The following AHCYL2 variants were observed in gnomAD, a reference collection of about 807,000 sequenced individuals.
The protein encoded by AHCYL2 is S-adenosylhomocysteine hydrolase-like protein 2.
A neutral mutation model predicts 81.4 loss-of-function variants in AHCYL2; 28 were observed. The observed-to-expected ratio is 0.34, with a 90% CI of 0.25 to 0.47. The LOEUF (loss-of-function observed/expected upper bound fraction) is 0.47. Ranked by LOEUF, AHCYL2 falls within the 20% of genes least tolerant of loss-of-function variation. AHCYL2 has a pLI of 1.00. For missense variants in AHCYL2, 551 were observed against 785.1 expected (o/e 0.70, Z 3.56); for synonymous variants, 272 against 290.2 (o/e 0.94, Z 0.64).
At chr7:129,349,509 G>A (rs373899895) in intron 1 of AHCYL2, among the ~76,000 whole-genome samples, 216 of 150,134 alleles carry the variant, frequency 1.4e-3, no homozygotes, top group Non-Finnish European at 2.5e-3. Flanking sequence ...TTAGCCAGGC[G>A]TGGTGGCACA....
intron 1 of AHCYL2, among the ~76,000 whole-genome samples, chr7:129,309,511 G>T (rs1255546594): frequency 1.3e-5 from 2 of 152,142 alleles, no homozygotes; most frequent in Non-Finnish European, 2.9e-5. Flanking sequence ...CTGCACTCCA[G>T]CCTGGGCAAC....
At chr7:129,265,979 T>C (rs909687830) in intron 1 of AHCYL2, among the ~76,000 whole-genome samples, 15 of 152,206 alleles carry the variant, frequency 9.9e-5, no homozygotes, top group African/African-American at 3.4e-4. Flanking sequence ...AAGTTTTGGA[T>C]GACTTCAAAG....
At chr7:129,404,185 A>C (rs1207625611) in intron 7 of AHCYL2, among the ~76,000 whole-genome samples, 1 of 152,196 alleles carries the variant, frequency 6.6e-6, no homozygotes, top group Admixed American at 6.5e-5. Flanking sequence ...CTAGGAATCT[A>C]GCAGTAGACA....
At position 129,225,242 on chromosome 7, in the gene AHCYL2, G is replaced by A; in HGVS notation, c.166G>A (p.Ala56Thr). The A allele has an allele frequency of 6.8e-7, 1 of 1,469,544 alleles. No individual in the cohort carries two copies. The highest frequency in any genetic ancestry group is 2.6e-5 in the Admixed American group (1 of 39,178). 91.0% of individuals were successfully genotyped at this position (1,469,544 alleles called of 1,614,324 possible). A position where few individuals can be genotyped will look rare whatever the true frequency, so the allele number is the denominator to read the frequency against. Reference sequence around the variant, plus strand: ...TGGAGACCCTGAGGCTCCAGCTCCCGCCGCGGAGCGGCCCCCGGTCCCCGG... The same window carrying A: ...TGGAGACCCTGAGGCTCCAGCTCCCACCGCGGAGCGGCCCCCGGTCCCCGG... ...GGGDPEAPAP[A>T]AERPPVPGPG... Residue 56 changes from alanine to threonine, a missense_variant, in exon 1 of 17, where the codon GCC becomes ACC. This residue lies in a region of AHCYL2 where 235 missense variants were observed against 242.1 expected (regional missense o/e 0.97). Coordinates refer to ENST00000325006, the MANE Select transcript of AHCYL2 (RefSeq NM_015328.4).
chr7:129,353,677 G>C (rs1027104293), intron 1 of AHCYL2, among the ~76,000 whole-genome samples: 1 of 147,492 alleles, frequency 6.8e-6, no homozygotes, highest in Non-Finnish European at 1.5e-5. Flanking sequence ...GTAGGCCACT[G>C]TCTGGAACTT....
chr7:129,412,788 G>T (rs80016438), intron 11 of AHCYL2, among the ~76,000 whole-genome samples: 2,214 of 152,152 alleles, frequency 0.015, 53 homozygotes, highest in African/African-American at 0.049. Context: ...CTTTTCATGT[G>T]TTTATTGGCC....
intron 1 of AHCYL2, among the ~76,000 whole-genome samples, chr7:129,302,523 G>A (rs549375238): frequency 2.2e-4 from 33 of 152,144 alleles, no homozygotes; most frequent in African/African-American, 7.2e-4. Flanking sequence ...ATTATGCTGA[G>A]GTATGTTTCT....
At position 129,419,612 on chromosome 7, in the gene AHCYL2, G is replaced by T. The variant is rs1797017465; in HGVS notation, c.1462-3228G>T. On this transcript the variant is annotated intron_variant, in intron 12 of 16. Transcript: ENST00000325006. The surrounding 1 kb of genome is among the most constrained non-coding windows in gnomAD (Gnocchi z 4.7). Reference sequence around the variant, plus strand: ...ACATAGAAGGCCTGTGTAATTGTAAGCTTCACAATTCAGGTGGTCAAACCA... The same window carrying T: ...ACATAGAAGGCCTGTGTAATTGTAATCTTCACAATTCAGGTGGTCAAACCA... 6.6e-6 allele frequency among the ~76,000 whole-genome samples: 1 copy of T among 152,028 alleles called. No homozygotes were observed. The highest frequency in any genetic ancestry group is 2.4e-5 in the African/African-American group (1 of 41,386).
At chr7:129,248,145 CTGTCTG>C (rs1795124841) in intron 1 of AHCYL2, among the ~76,000 whole-genome samples, 1 of 152,180 alleles carries the variant, frequency 6.6e-6, no homozygotes, top group African/African-American at 2.4e-5. Flanking sequence ...TGCAAATCAG[CTGTCTG>C]CAGATGTGGA....
chr7:129,368,157 C>G lies in AHCYL2; in HGVS notation c.364-11481C>G. 9.3e-7 allele frequency: 1 copy of G among 1,076,490 alleles called. No homozygotes were observed. The highest frequency in any genetic ancestry group is 4.2e-4 in the Middle Eastern group (1 of 2,356). 66.7% of individuals were successfully genotyped at this position (1,076,490 alleles called of 1,614,324 possible). A position where few individuals can be genotyped will look rare whatever the true frequency, so the allele number is the denominator to read the frequency against. ...AGTCCAACTATTGCTGCAGAAAGTCCCCACTGGGGAGGTGCGGGTAGAGTG... is the reference window on the plus strand; with the variant it reads ...AGTCCAACTATTGCTGCAGAAAGTCGCCACTGGGGAGGTGCGGGTAGAGTG... On this transcript the variant is annotated intron_variant, in intron 1 of 16. Transcript: ENST00000325006. This position sits in a 1 kb window ranked among gnomAD's most constrained non-coding sequence, Gnocchi z 4.4.
intron 1 of AHCYL2, among the ~76,000 whole-genome samples, chr7:129,285,090 G>A (rs534481919): frequency 6.6e-6 from 1 of 152,330 alleles, no homozygotes; most frequent in East Asian, 1.9e-4. Context: ...CTAGCTGTAA[G>A]CATATGTAGG....
intron 1 of AHCYL2, among the ~76,000 whole-genome samples, chr7:129,270,750 A>G (rs1216032452): frequency 6.6e-6 from 1 of 152,220 alleles, no homozygotes; most frequent in Non-Finnish European, 1.5e-5. Flanking sequence ...TTTCCACATT[A>G]TTGAAAAGAT....
At chr7:129,300,362 T>A (rs1351460851) in intron 1 of AHCYL2, among the ~76,000 whole-genome samples, 2 of 152,178 alleles carry the variant, frequency 1.3e-5, no homozygotes, top group African/African-American at 4.8e-5. Flanking sequence ...TCTTTTAATT[T>A]TTATCTCCCA....
chr7:129,235,955 T>A (rs1378813151), intron 1 of AHCYL2, among the ~76,000 whole-genome samples: 1 of 152,098 alleles, frequency 6.6e-6, no homozygotes, highest in Non-Finnish European at 1.5e-5. Flanking sequence ...TTTTTGTGTG[T>A]GTACATGTAG....
chr7:129,304,993 T>C (rs1797383071), intron 1 of AHCYL2, among the ~76,000 whole-genome samples: 1 of 152,078 alleles, frequency 6.6e-6, no homozygotes, highest in African/African-American at 2.4e-5. Flanking sequence ...TTTTAGTGGA[T>C]GTGATTTTCT....
At chr7:129,423,869 G>A (rs1433659215) in intron 13 of AHCYL2, among the ~76,000 whole-genome samples, 1 of 152,088 alleles carries the variant, frequency 6.6e-6, no homozygotes, top group African/African-American at 2.4e-5. Context: ...TCTTCACAAG[G>A]AAGGAGTATA....
At chr7:129,252,781 CTAGG>C (rs1043719805) in intron 1 of AHCYL2, among the ~76,000 whole-genome samples, 12 of 151,566 alleles carry the variant, frequency 7.9e-5, no homozygotes, top group South Asian at 2.1e-4. Flanking sequence ...TGATTGATAG[CTAGG>C]TAGGTAGGTA....
At chr7:129,291,269 A>C (rs1184344707) in intron 1 of AHCYL2, among the ~76,000 whole-genome samples, 1 of 152,156 alleles carries the variant, frequency 6.6e-6, no homozygotes, top group Non-Finnish European at 1.5e-5. Flanking sequence ...TACCCACAAT[A>C]TGTGAGGCAC....
intron 1 of AHCYL2, among the ~76,000 whole-genome samples, chr7:129,296,806 G>A: frequency 6.6e-6 from 1 of 152,136 alleles, no homozygotes; most frequent in East Asian, 1.9e-4. Flanking sequence ...GAAAGGTTAG[G>A]ATGCTTATAC....
Sources: gnomAD v4.1 joint callset for allele counts (sites outside exome capture counted in the v4.1 genomes callset) on GRCh38, gnomAD v4.1.1 for gene constraint, gnomAD v4.1.1 regional missense constraint, Gnocchi (gnomAD v3.1) non-coding constraint, MANE v1.5 for transcripts, NCBI Gene and HGNC (gene_info 2026-07-23, HGNC 2026-07-21) for gene names.